Variants in WNT10A observed in about 807,000 individuals in gnomAD.
WNT10A encodes the protein protein Wnt-10a.
In WNT10A, 37 loss-of-function variants were observed where a neutral mutation model predicts 36.1. That is an observed-to-expected ratio of 1.02 (90% CI 0.79 to 1.35). WNT10A has a LOEUF of 1.35. Ranked by LOEUF, WNT10A falls within the 40% of genes most tolerant of loss-of-function variation. The pLI, the probability that WNT10A is intolerant of heterozygous loss-of-function variation, is 0.00. For synonymous variants in WNT10A, 255 were observed against 254.1 expected, an observed-to-expected ratio of 1.00 and a Z score of -0.03; for missense variants, 613 against 601.4, an observed-to-expected ratio of 1.02 and a Z score of -0.20.
At chr2:218,879,556 T>TG (rs1944486082), upstream of WNT10A, among the ~76,000 whole-genome samples, 1 of 152,126 alleles carries the variant, frequency 6.6e-6, no homozygotes, top group East Asian at 1.9e-4. Flanking sequence ...AGTGTTCAGT[T>TG]GGGGTGGAGG....
In WNT10A at chr2:218,893,077, TCGG is replaced by T; in HGVS notation, c.1064_1066del (p.Ala355del). On this transcript the variant is annotated inframe_deletion, in exon 4 of 4. Transcript: ENST00000258411. The surrounding 1 kb of genome is among the most constrained non-coding windows in gnomAD (Gnocchi z 6.3). ...CTGCGAGCGCGAGCCGCGCCTGGAC[TCGG>T]CGGGCACCGTGGGCCGCCTGTGCAA... 1 of 1,596,636 alleles carries T rather than the reference TCGG, an allele frequency of 6.3e-7. No homozygotes were observed. Among genetic ancestry groups the T allele is most frequent in the Non-Finnish European group, 8.5e-7 (1 of 1,179,204 alleles).
At chr2:218,877,879 CA>C (rs1175676698), upstream of WNT10A, among the ~76,000 whole-genome samples, 1 of 152,190 alleles carries the variant, frequency 6.6e-6, no homozygotes, top group Non-Finnish European at 1.5e-5. The surrounding 1 kb of genome is among the most constrained non-coding windows in gnomAD (Gnocchi z 4.1). Flanking sequence ...TCTTCTTCAG[CA>C]AGACAAACTT....
At position 218,892,792 on chromosome 2, in the gene WNT10A, C is replaced by A. The variant is rs576855744; in HGVS notation, c.775C>A (p.Arg259=). 57 of 1,594,332 alleles carry A rather than the reference C, an allele frequency of 3.6e-5. No homozygotes were observed. In the African/African-American group the frequency reaches 7.4e-4, roughly 21 times the overall value. Reference sequence around the variant, plus strand: ...TCCGCAGGCAGTGATGGAGAACATGCGGCGGAAGTGCAAGTGCCACGGCAC... The same window carrying A: ...TCCGCAGGCAGTGATGGAGAACATGAGGCGGAAGTGCAAGTGCCACGGCAC... ...VGRQAVMENM[R]RKCKCHGTSG... The change falls in exon 4 of 4, where the codon CGG becomes AGG. Residue 259 remains arginine (R), a synonymous_variant. Coordinates refer to ENST00000258411, the MANE Select transcript of WNT10A (RefSeq NM_025216.3).
chr2:218,875,916 G>C (rs1355372455), upstream of WNT10A, among the ~76,000 whole-genome samples: 1 of 152,214 alleles, frequency 6.6e-6, no homozygotes, highest in African/African-American at 2.4e-5. Flanking sequence ...ATAATGAATG[G>C]CTTTTATACC....
chr2:218,883,978 C>A (rs1944550507), intron 2 of WNT10A: 2 of 152,284 alleles, frequency 1.3e-5, no homozygotes, highest in Non-Finnish European at 2.9e-5. Flanking sequence ...AGCCGCGTTT[C>A]CCTTCGGGGC....
intron 3 of WNT10A, among the ~76,000 whole-genome samples, chr2:218,891,343 T>A (rs1032417568): frequency 2.6e-5 from 4 of 152,204 alleles, no homozygotes; most frequent in African/African-American, 9.7e-5. Flanking sequence ...TCATCCCTTC[T>A]TTTGACTCTG....
At position 218,893,275 on chromosome 2, in the gene WNT10A, G is replaced by A. The variant is rs1385259515; in HGVS notation, c.*4G>A. 6.5e-7 allele frequency: 1 copy of A among 1,545,184 alleles called. No homozygotes were observed. The highest frequency in any genetic ancestry group is 1.9e-5 in the Admixed American group (1 of 52,482). On this transcript the variant is annotated 3_prime_UTR_variant, in exon 4 of 4. Transcript: ENST00000258411. The surrounding 1 kb of genome is among the most constrained non-coding windows in gnomAD (Gnocchi z 6.3). ...GTGGGTCAGCGTCTGCAAGTGAGCG[G>A]CCCGGGGTCCCCTGGGCCCTGATCG... is the stretch of plus-strand genomic sequence containing the variant.
At chr2:218,888,039 C>G (rs1230775994) in intron 2 of WNT10A, among the ~76,000 whole-genome samples, 1 of 152,138 alleles carries the variant, frequency 6.6e-6, no homozygotes, top group Non-Finnish European at 1.5e-5. Context: ...ACAGCTTGTT[C>G]TGTTTCTTTC....
In WNT10A at chr2:218,893,685, A is replaced by C; in HGVS notation, c.*414A>C. 1 of 175,268 alleles carries C rather than the reference A, an allele frequency of 5.7e-6. No homozygotes were observed. 10.9% of individuals were successfully genotyped at this position (175,268 alleles called of 1,614,324 possible). A position where few individuals can be genotyped will look rare whatever the true frequency, so the allele number is the denominator to read the frequency against. ...GGATTAAAAAAAAGAAATAGACATA[A>C]CTGAGCTGAAGTAATTCCATAAAGG... is the stretch of plus-strand genomic sequence containing the variant. On this transcript the variant is annotated 3_prime_UTR_variant, in exon 4 of 4. Coordinates refer to ENST00000258411, the MANE Select transcript of WNT10A (RefSeq NM_025216.3). The surrounding 1 kb of genome is among the most constrained non-coding windows in gnomAD (Gnocchi z 6.3).
Position 218,890,158 on chromosome 2 carries a change from G to C in WNT10A, c.551G>C (p.Arg184Pro), listed in dbSNP as rs372756514. The C allele has an allele frequency of 6.2e-7, 1 of 1,614,176 alleles. No individual in the cohort carries two copies. Among genetic ancestry groups the C allele is most frequent in the South Asian group, 1.1e-5 (1 of 91,086 alleles). The change falls in exon 3 of 4, where the codon CGT (arginine) becomes CCT (proline). Residue 184 changes from arginine (R) to proline (P), a missense_variant. Physicochemically the swap from Arg to Pro is moderately radical, Grantham distance 103. Coordinates refer to ENST00000258411, the MANE Select transcript of WNT10A (RefSeq NM_025216.3). The part of the protein sequence containing the change: ...LHRLQLDALQ[R>P]GKGLSHGVPE... ...CGCTTACAACTGGATGCACTGCAGC[G>C]TGGTAAGGGCCTGAGCCATGGGGTC...
At chr2:218,875,734 T>C in the WNT10A span, among the ~76,000 whole-genome samples, 1 of 152,224 alleles carries the variant, frequency 6.6e-6, no homozygotes, top group Non-Finnish European at 1.5e-5. Context: ...GAGAATTTTT[T>C]TTTGAGATAT....
chr2:218,874,824 CT>C, the WNT10A span, among the ~76,000 whole-genome samples: 1 of 152,204 alleles, frequency 6.6e-6, no homozygotes, highest in Non-Finnish European at 1.5e-5. Context: ...GCCTCATTTT[CT>C]TTATACAAAG....
chr2:218,893,141 T>C lies in WNT10A; in HGVS notation c.1124T>C (p.Met375Thr). 7 of 1,591,994 alleles carry C rather than the reference T, an allele frequency of 4.4e-6. No individual in the cohort carries two copies. Among genetic ancestry groups the C allele is most frequent in the South Asian group, 1.1e-5 (1 of 90,488 alleles). ...SSAGSDGCGS[M>T]CCGRGHNILR... ...GCCGGCTCGGATGGCTGCGGCAGCA[T>C]GTGCTGCGGCCGCGGCCACAACATC... is the stretch of plus-strand genomic sequence containing the variant. The change falls in exon 4 of 4, where the codon ATG becomes ACG. Residue 375 changes from methionine (M) to threonine (T), a missense_variant. Coordinates refer to ENST00000258411, the MANE Select transcript of WNT10A (RefSeq NM_025216.3). This position sits in a 1 kb window ranked among gnomAD's most constrained non-coding sequence, Gnocchi z 6.3.
chr2:218,890,037 G>C lies in WNT10A; in HGVS notation c.430G>C (p.Ala144Pro), dbSNP rs570082664. 13 of 1,613,870 alleles carry C rather than the reference G, an allele frequency of 8.1e-6. No individual in the cohort carries two copies. The highest frequency in any genetic ancestry group is 1.1e-5 in the Non-Finnish European group (13 of 1,180,042). The change falls in exon 3 of 4, where the codon GCC becomes CCC. Residue 144 changes from alanine to proline, a missense_variant. Physicochemically the swap from Ala to Pro is conservative, Grantham distance 27. Transcript: ENST00000258411. ...YAIAAAGVVH[A>P]VSNACALGKL... ...CATCGCAGCAGCTGGCGTGGTGCACGCCGTGTCCAATGCGTGTGCCCTGGG... is the reference window on the plus strand; with the variant it reads ...CATCGCAGCAGCTGGCGTGGTGCACCCCGTGTCCAATGCGTGTGCCCTGGG...
Position 218,890,059 on chromosome 2 carries a change from T to G in WNT10A, c.452T>G (p.Leu151Arg). The change falls in exon 3 of 4, where the codon CTG (leucine) becomes CGG (arginine). Residue 151 changes from leucine (L) to arginine (R), a missense_variant. Leu to Arg is a moderately radical substitution (Grantham distance 102). Transcript: ENST00000258411. The part of the protein sequence containing the change: ...VVHAVSNACA[L>R]GKLKACGCDA... ...CACGCCGTGTCCAATGCGTGTGCCC[T>G]GGGCAAACTGAAGGCCTGTGGCTGT... 3 of 1,614,122 alleles carry G rather than the reference T, an allele frequency of 1.9e-6. No homozygotes were observed. The highest frequency in any genetic ancestry group is 2.5e-6 in the Non-Finnish European group (3 of 1,180,040).
At chr2:218,883,665 C>T (rs7571600) in intron 2 of WNT10A, among the ~76,000 whole-genome samples, 1 of 150,742 alleles carries the variant, frequency 6.6e-6, no homozygotes, top group Non-Finnish European at 1.5e-5. Context: ...CCGCGGGCCG[C>T]GGCAGACGGC....
chr2:218,892,503 T>C (rs1350294613), intron 3 of WNT10A, among the ~76,000 whole-genome samples: 3 of 152,160 alleles, frequency 2.0e-5, no homozygotes, highest in Admixed American at 2.0e-4. Flanking sequence ...CCCCTGCAGC[T>C]GCTGGAAAGG....
chr2:218,874,407 C>A, the WNT10A span, among the ~76,000 whole-genome samples: 1 of 152,228 alleles, frequency 6.6e-6, no homozygotes, highest in African/African-American at 2.4e-5. Context: ...TTGTTCACTC[C>A]TGTCACACAT....
At chr2:218,885,430 A>C (rs929317969) in intron 2 of WNT10A, among the ~76,000 whole-genome samples, 2 of 152,176 alleles carry the variant, frequency 1.3e-5, no homozygotes, top group African/African-American at 4.8e-5. Flanking sequence ...CACTGTGGAC[A>C]TGAGGACAGG....
Sources: allele counts gnomAD v4.1 joint callset (sites outside exome capture counted in the v4.1 genomes callset), GRCh38; gene constraint gnomAD v4.1.1; non-coding constraint Gnocchi (gnomAD v3.1); transcripts MANE v1.5; gene names NCBI Gene and HGNC (gene_info 2026-07-23, HGNC 2026-07-21).